The following UBASH3A variants were observed in gnomAD, a reference collection of about 807,000 sequenced individuals.
UBASH3A encodes ubiquitin-associated and SH3 domain-containing protein A.
In UBASH3A, 63 loss-of-function variants were observed where a neutral mutation model predicts 73.5. The observed-to-expected ratio is 0.86, with a 90% CI of 0.70 to 1.06. The LOEUF is 1.06. UBASH3A is among the 50% of genes least tolerant of loss of function. The pLI is 0.00. For synonymous variants in UBASH3A, 363 were observed against 351.1 expected (o/e 1.03, Z -0.38); for missense variants, 860 against 859.0 (o/e 1.00, Z -0.02).
chr21:42,438,175 C>T lies in UBASH3A; in HGVS notation c.1486+595C>T, dbSNP rs2053662621. Reference sequence around the variant, plus strand: ...GAGGGATAAGATCTCGGTCCCCAGGCAGGGACTGGCCGTGGCCAGGAGCAT... The same window carrying T: ...GAGGGATAAGATCTCGGTCCCCAGGTAGGGACTGGCCGTGGCCAGGAGCAT... On this transcript the variant is annotated intron_variant, in intron 11 of 14. Coordinates refer to ENST00000319294, the MANE Select transcript of UBASH3A (RefSeq NM_018961.4). 2.6e-5 allele frequency among the ~76,000 whole-genome samples: 4 copies of T among 152,206 alleles called. No individual in the cohort carries two copies. In the South Asian group the frequency reaches 6.2e-4, roughly 24 times the overall value.
intron 10 of UBASH3A, 147 bp from the exon 11 acceptor site, chr21:42,437,341 T>C (rs2053642719): frequency 1.5e-6 from 1 of 660,646 alleles, no homozygotes; most frequent in Non-Finnish European, 2.7e-6. Flanking sequence ...CACCCATACT[T>C]GGAGGCTGTG....
rs1214914727 is a variant in UBASH3A at position 42,418,490 on chromosome 21, G to A, written c.927G>A (p.Gln309=). 3 of 1,614,140 alleles carry A rather than the reference G, an allele frequency of 1.9e-6. No homozygotes were observed. In the African/African-American group the frequency reaches 4.0e-5, roughly 22 times the overall value. The change falls in exon 7 of 15, where the codon CAG becomes CAA. Residue 309 remains glutamine, a synonymous_variant. Transcript: ENST00000319294. ...PGDYIFVDPT[Q]QDEASEGWVI... is the part of the protein sequence containing the mutation. ...ACTACATCTTTGTGGACCCCACGCA[G>A]CAGGACGAAGCCAGCGAGGGCTGGG...
At chr21:42,439,906 CCACACACCTCA>C (rs997321000) in intron 11 of UBASH3A, among the ~76,000 whole-genome samples, 15 of 144,466 alleles carry the variant, frequency 1.0e-4, no homozygotes, top group Non-Finnish European at 1.7e-4. Flanking sequence ...CACACACACA[CCACACACCTCA>C]CACACACCAC....
chr21:42,422,416 C>T (rs79635471), intron 7 of UBASH3A, among the ~76,000 whole-genome samples: 4,842 of 152,264 alleles, frequency 0.032, 86 homozygotes, highest in Non-Finnish European at 0.04. Context: ...TTTACTTCTC[C>T]AATACCCCCT....
intron 1 of UBASH3A, among the ~76,000 whole-genome samples, chr21:42,404,877 A>G (rs9784208): frequency 0.43 from 64,490 of 151,734 alleles, 14,108 homozygotes; most frequent in African/African-American, 0.51. Context: ...CAGAGTTACC[A>G]CTCTCGGAGA....
chr21:42,436,411 T>C (rs980090592), intron 10 of UBASH3A, among the ~76,000 whole-genome samples: 1 of 152,252 alleles, frequency 6.6e-6, no homozygotes, highest in African/African-American at 2.4e-5. Context: ...GAGATGGTGG[T>C]CCCAGGCCTC....
intron 3 of UBASH3A, among the ~76,000 whole-genome samples, chr21:42,412,574 C>A (rs1458234357): frequency 6.6e-6 from 1 of 152,176 alleles, no homozygotes; most frequent in Admixed American, 6.5e-5. Flanking sequence ...AGAGGGTGGC[C>A]CCGCAGCTGG....
At chr21:42,427,634 A>G (rs998328332) in intron 8 of UBASH3A, among the ~76,000 whole-genome samples, 8 of 152,224 alleles carry the variant, frequency 5.3e-5, no homozygotes, top group Non-Finnish European at 1.0e-4. Context: ...CGGAGAGCAC[A>G]CAGACTCCTA....
chr21:42,437,507 T>A lies in UBASH3A; in HGVS notation c.1413T>A (p.Ser471Arg). 1.9e-6 allele frequency: 3 copies of A among 1,614,200 alleles called. No individual in the cohort carries two copies. Among genetic ancestry groups the A allele is most frequent in the Non-Finnish European group, 2.5e-6 (3 of 1,180,012 alleles). Residue 471 changes from serine (S) to arginine (R), a missense_variant, in exon 11 of 15, where the codon AGT (serine) becomes AGA (arginine). Physicochemically the swap from Ser to Arg is moderately radical, Grantham distance 110. Transcript: ENST00000319294. Reference protein sequence around the residue: ...SRIAGDALLDSGIRISSVFAS... With the variant: ...SRIAGDALLDRGIRISSVFAS... ...TTCCAGGGGACGCGCTACTGGACAG[T>A]GGTATCAGAATCAGCTCTGTGTTTG... is the stretch of plus-strand genomic sequence containing the variant.
At chr21:42,409,017 T>C (rs2053037770) in intron 2 of UBASH3A, among the ~76,000 whole-genome samples, 2 of 152,196 alleles carry the variant, frequency 1.3e-5, no homozygotes, top group Non-Finnish European at 2.9e-5. Context: ...GTTTTGGTTT[T>C]TATATGTAAT....
In UBASH3A at chr21:42,413,560, T is replaced by G. The variant is rs1177510023; in HGVS notation, c.667+37T>G. The G allele has an allele frequency of 6.8e-7, 1 of 1,472,912 alleles. No individual in the cohort carries two copies. 91.2% of individuals were successfully genotyped at this position (1,472,912 alleles called of 1,614,324 possible). A position where few individuals can be genotyped will look rare whatever the true frequency, so the allele number is the denominator to read the frequency against. On this transcript the variant is annotated intron_variant, in intron 5 of 14. Transcript: ENST00000319294. The surrounding 1 kb of genome is among the most constrained non-coding windows in gnomAD (Gnocchi z 4.5). The stretch of plus-strand genomic sequence containing the variant: ...GAAAGCTTCCGGACCAGCTTTGGTC[T>G]TCTCTTTAGGCGGGAATAGCCTTGT...
chr21:42,414,104 G>A (rs969356815), intron 5 of UBASH3A, among the ~76,000 whole-genome samples: 12 of 152,228 alleles, frequency 7.9e-5, no homozygotes, highest in South Asian at 4.2e-4. Flanking sequence ...CATAGTTCCC[G>A]GGACACAGAA....
chr21:42,441,193 G>T (rs1288666055), intron 11 of UBASH3A, among the ~76,000 whole-genome samples: 1 of 152,014 alleles, frequency 6.6e-6, no homozygotes, highest in Non-Finnish European at 1.5e-5. Context: ...CTTATCAGAT[G>T]GTGTCTGAGA....
At chr21:42,431,833 G>T (rs140391588) in intron 8 of UBASH3A, among the ~76,000 whole-genome samples, 1 of 152,208 alleles carries the variant, frequency 6.6e-6, no homozygotes, top group Admixed American at 6.5e-5. Context: ...GTAGAAAAAC[G>T]GATGTGTCAT....
chr21:42,432,972 T>C (rs930559410), intron 9 of UBASH3A, among the ~76,000 whole-genome samples: 2 of 152,236 alleles, frequency 1.3e-5, no homozygotes, highest in African/African-American at 4.8e-5. Flanking sequence ...TAAGAAACTT[T>C]TTTTCAATAA....
intron 12 of UBASH3A, among the ~76,000 whole-genome samples, chr21:42,442,989 A>G (rs2053774626): frequency 2.0e-5 from 3 of 152,210 alleles, no homozygotes; most frequent in Admixed American, 2.0e-4. Flanking sequence ...CAGAAGCCCA[A>G]GGGTCAAGAC....
chr21:42,410,124 C>T (rs1401478851), intron 3 of UBASH3A: 16 of 702,266 alleles, frequency 2.3e-5, no homozygotes, highest in East Asian at 5.4e-5. Context: ...AGGGACCAGC[C>T]GTCTGATTCA....
At chr21:42,427,012 C>G (rs1191001069) in intron 8 of UBASH3A, among the ~76,000 whole-genome samples, 192 bp downstream of exon 8, 1 of 152,170 alleles carries the variant, frequency 6.6e-6, no homozygotes, top group Non-Finnish European at 1.5e-5. Context: ...TCTGTCTGCT[C>G]TGGGCAGACA....
intron 6 of UBASH3A, among the ~76,000 whole-genome samples, chr21:42,418,045 AGCTAATTTTTGTATT>A: frequency 6.6e-6 from 1 of 151,692 alleles, no homozygotes; most frequent in Non-Finnish European, 1.5e-5. Context: ...CACCATGTCC[AGCTAATTTTTGTATT>A]TTCAGTAGAG....
Sources: allele counts gnomAD v4.1 joint callset (sites outside exome capture counted in the v4.1 genomes callset), GRCh38; gene constraint gnomAD v4.1.1; non-coding constraint Gnocchi (gnomAD v3.1); transcripts MANE v1.5; gene names NCBI Gene and HGNC (gene_info 2026-07-23, HGNC 2026-07-21).